Variants in FRAS1 observed in about 807,000 individuals in gnomAD.
The protein encoded by FRAS1 is extracellular matrix organizing protein FRAS1.
A neutral mutation model predicts 435.2 loss-of-function variants in FRAS1; 290 were observed. The observed-to-expected ratio is 0.67, with a 90% confidence interval of 0.61 to 0.73. The LOEUF (loss-of-function observed/expected upper bound fraction) is 0.73, where lower values mean the gene tolerates loss of function less well. Ranked by LOEUF, FRAS1 falls within the 30% of genes least tolerant of loss-of-function variation. The probability of loss-of-function intolerance (pLI) is 0.00; values close to 1 mark genes in which losing one functional copy is unlikely to be tolerated. For missense variants in FRAS1, 4,860 were observed against 5,001.5 expected (o/e 0.97, Z 0.85); for synonymous variants, 1,800 against 1,851.0 (o/e 0.97, Z 0.71).
At chr4:78,218,960 C>CA (rs2110094179) in intron 2 of FRAS1, among the ~76,000 whole-genome samples, 1 of 152,298 alleles carries the variant, frequency 6.6e-6, no homozygotes, top group Non-Finnish European at 1.5e-5. Flanking sequence ...ACAAAAGACA[C>CA]ATTTCTTTCT....
intron 6 of FRAS1, among the ~76,000 whole-genome samples, chr4:78,263,683 A>C (rs140905235): frequency 6.6e-6 from 1 of 152,260 alleles, no homozygotes; most frequent in Non-Finnish European, 1.5e-5. Flanking sequence ...GTCAAGAAAC[A>C]CTAAATGATT....
At chr4:78,268,308 G>A (rs1012026318) in intron 9 of FRAS1, among the ~76,000 whole-genome samples, 2 of 152,140 alleles carry the variant, frequency 1.3e-5, no homozygotes, top group Non-Finnish European at 2.9e-5. Context: ...TTTCAGACAT[G>A]GCTGTCATCG....
At chr4:78,230,093 A>G (rs977069616) in intron 2 of FRAS1, among the ~76,000 whole-genome samples, 42 of 152,354 alleles carry the variant, frequency 2.8e-4, no homozygotes, top group African/African-American at 9.6e-4. Flanking sequence ...TTGTTTCTGT[A>G]TACAAGTTGA....
intron 4 of FRAS1, among the ~76,000 whole-genome samples, chr4:78,249,161 G>A (rs1725413816): frequency 1.4e-5 from 2 of 142,136 alleles, no homozygotes; most frequent in Non-Finnish European, 3.1e-5. Flanking sequence ...TCACTCTGGG[G>A]AAGGAGGTGT....
intron 6 of FRAS1, among the ~76,000 whole-genome samples, chr4:78,257,946 G>C (rs371036723): frequency 1.3e-5 from 2 of 152,144 alleles, no homozygotes; most frequent in Admixed American, 6.5e-5. Context: ...TGTTTGTTCA[G>C]TCTGATGAGA....
intron 38 of FRAS1, among the ~76,000 whole-genome samples, chr4:78,436,976 G>T (rs1480703872): frequency 2.0e-5 from 3 of 152,208 alleles, no homozygotes; most frequent in Non-Finnish European, 2.9e-5. Context: ...ATACAAAAGG[G>T]ATAAGAAGAT....
chr4:78,063,636 A>G (rs1739859942), intron 1 of FRAS1, among the ~76,000 whole-genome samples: 1 of 152,122 alleles, frequency 6.6e-6, no homozygotes, highest in South Asian at 2.1e-4. Flanking sequence ...ACTCAGTGCT[A>G]CTTTATTTTT....
chr4:78,288,327 C>T (rs1335222374), intron 14 of FRAS1, among the ~76,000 whole-genome samples: 1 of 152,118 alleles, frequency 6.6e-6, no homozygotes, highest in African/African-American at 2.4e-5. Flanking sequence ...GACAGATTTG[C>T]CTTTAAAAGG....
intron 2 of FRAS1, among the ~76,000 whole-genome samples, chr4:78,226,144 T>C (rs1222707207): frequency 6.6e-6 from 1 of 152,192 alleles, no homozygotes; most frequent in Non-Finnish European, 1.5e-5. Context: ...CTATAACCTT[T>C]GAATTCTCCG....
chr4:78,387,241 C>A, intron 28 of FRAS1, 134 bp from the exon 29 acceptor site: 1 of 648,016 alleles, frequency 1.5e-6, no homozygotes, highest in Non-Finnish European at 2.6e-6. Flanking sequence ...ATGTGTTCAC[C>A]ATAGAACAGT....
intron 31 of FRAS1, among the ~76,000 whole-genome samples, chr4:78,412,324 G>T (rs944100781): frequency 6.6e-6 from 1 of 152,194 alleles, no homozygotes; most frequent in African/African-American, 2.4e-5. Context: ...GGTTTAAGAG[G>T]GTGGTCCAGT....
chr4:78,065,834 G>T (rs2109849274), intron 1 of FRAS1, 151 bp from the exon 2 acceptor site: 1 of 664,238 alleles, frequency 1.5e-6, no homozygotes, highest in East Asian at 2.8e-5. Flanking sequence ...TTTCCCCAGG[G>T]GAAGAATGCT....
At position 78,419,038 on chromosome 4, in the gene FRAS1, C is replaced by A; in HGVS notation, c.4515C>A (p.Ile1505=). Residue 1505 remains isoleucine (I), a synonymous_variant, in exon 33 of 74, where the codon ATC becomes ATA. Transcript: ENST00000512123. ...EKPSGKIVYN[I]TLPLHPNQGI... is the part of the protein sequence containing the mutation. ...CAAGTGGAAAGATTGTCTACAACAT[C>A]ACTCTACCTCTGCATCCAAATCAAG... is the stretch of plus-strand genomic sequence containing the variant. The A allele has an allele frequency of 6.3e-7, 1 of 1,576,876 alleles. No homozygotes were observed. Among genetic ancestry groups the A allele is most frequent in the Middle Eastern group, 1.7e-4 (1 of 5,974 alleles).
At chr4:78,284,981 T>A (rs1262813084) in intron 13 of FRAS1, among the ~76,000 whole-genome samples, 2 of 152,192 alleles carry the variant, frequency 1.3e-5, no homozygotes, top group Non-Finnish European at 2.9e-5. Context: ...AAATGGGGAA[T>A]CTGTAGGCCA....
chr4:78,219,075 T>A (rs1000628786), intron 2 of FRAS1, among the ~76,000 whole-genome samples: 18 of 152,202 alleles, frequency 1.2e-4, no homozygotes, highest in Admixed American at 3.3e-4. Context: ...TTACATTCTT[T>A]TGCTGGTTTT....
intron 2 of FRAS1, among the ~76,000 whole-genome samples, chr4:78,128,511 G>A (rs1205519289): frequency 2.0e-5 from 3 of 152,194 alleles, no homozygotes; most frequent in Admixed American, 2.0e-4. Flanking sequence ...CAGTGATGAT[G>A]AGCATTTTTT....
chr4:78,138,311 G>A (rs1267612233), intron 2 of FRAS1, among the ~76,000 whole-genome samples: 1 of 152,186 alleles, frequency 6.6e-6, no homozygotes, highest in Non-Finnish European at 1.5e-5. Flanking sequence ...AGTAAGGAAG[G>A]CCATAGAAGC....
chr4:78,143,799 GA>G (rs1287064752), intron 2 of FRAS1, among the ~76,000 whole-genome samples: 3 of 151,104 alleles, frequency 2.0e-5, no homozygotes, highest in Non-Finnish European at 4.4e-5. Context: ...AGCTACTTGG[GA>G]GGCTGAGGTG....
At chr4:78,371,858 A>G (rs758820486) in intron 23 of FRAS1, among the ~76,000 whole-genome samples, 1 of 152,232 alleles carries the variant, frequency 6.6e-6, no homozygotes, top group Non-Finnish European at 1.5e-5. Context: ...AATAACAAGT[A>G]CAGCAGCAAC....
Sources: allele counts gnomAD v4.1 joint callset (sites outside exome capture counted in the v4.1 genomes callset), GRCh38; gene constraint gnomAD v4.1.1; transcripts MANE v1.5; gene names NCBI Gene and HGNC (gene_info 2026-07-23, HGNC 2026-07-21).